DCT: variants seen among roughly 807,000 people sequenced by gnomAD.
DCT encodes the protein dopachrome tautomerase.
Under a neutral mutation model 53.0 loss-of-function variants are expected in DCT, and 47 were observed. The observed-to-expected ratio is 0.89, with a 90% CI of 0.70 to 1.13. DCT has a LOEUF of 1.13. Among genes scored for constraint, DCT ranks in the 50% most tolerant of loss-of-function variants. The pLI is 0.00. For synonymous variants in DCT, 244 were observed against 237.0 expected (o/e 1.03, Z -0.27); for missense variants, 669 against 637.4 (o/e 1.05, Z -0.53).
chr13:94,527,376 T>G, the DCT span, among the ~76,000 whole-genome samples: 2 of 152,078 alleles, frequency 1.3e-5, no homozygotes, highest in Non-Finnish European at 2.9e-5. Context: ...CATCTCCCAG[T>G]AGGGGCCGAC....
rs549861593 is a variant in DCT, at chr13:94,470,513, T to C, written c.296-1468A>G. On this transcript the variant is annotated intron_variant, in intron 1 of 7. Transcript: ENST00000377028. ...CTTAGGTTAGAGGGTAAAATTTAAATATCATTAGAGCACAAGATTGAAACG... is the reference window on the plus strand; with the variant it reads ...CTTAGGTTAGAGGGTAAAATTTAAACATCATTAGAGCACAAGATTGAAACG... 5.3e-5 allele frequency among the ~76,000 whole-genome samples: 8 copies of C among 152,282 alleles called. No homozygotes were observed. In the South Asian group the frequency reaches 1.7e-3, roughly 32 times the overall value.
At chr13:94,513,987 CAAAAAAAAAAAAAA>C in the DCT span, among the ~76,000 whole-genome samples, 1 of 53,202 alleles carries the variant, frequency 1.9e-5, no homozygotes, top group Non-Finnish European at 3.4e-5. Flanking sequence ...AACTCTGTCT[CAAAAAAAAAAAAAA>C]AAAAAAAAAA....
the DCT span, among the ~76,000 whole-genome samples, chr13:94,490,519 A>AC: frequency 2.0e-4 from 29 of 144,684 alleles, no homozygotes; most frequent in Non-Finnish European, 4.0e-4. Flanking sequence ...AAAAAAAAAA[A>AC]AAAAAAAAAA....
intron 6 of DCT, among the ~76,000 whole-genome samples, chr13:94,457,160 CTAT>C (rs1883463466): frequency 6.6e-6 from 1 of 152,146 alleles, no homozygotes; most frequent in African/African-American, 2.4e-5. Flanking sequence ...AAACAAACTT[CTAT>C]AAACTGATGG....
the DCT span, among the ~76,000 whole-genome samples, chr13:94,500,950 TCA>T: frequency 6.6e-6 from 1 of 152,210 alleles, no homozygotes; most frequent in African/African-American, 2.4e-5. Context: ...ACTGCCATCC[TCA>T]CACAGTGATT....
Position 94,479,267 on chromosome 13 carries a change from T to C in DCT, c.-12A>G. On this transcript the variant is annotated 5_prime_UTR_variant, in exon 1 of 8. Coordinates refer to ENST00000377028, the MANE Select transcript of DCT (RefSeq NM_001922.5). ...CAAAGGGGGCTCATGGCTTTATAAT[T>C]GGGAGAGCTCTCTCTCTCTCTTACT... The C allele has an allele frequency of 6.4e-7, 1 of 1,555,854 alleles. No individual in the cohort carries two copies.
the DCT span, among the ~76,000 whole-genome samples, chr13:94,502,821 C>A: frequency 6.6e-6 from 1 of 152,164 alleles, no homozygotes; most frequent in Non-Finnish European, 1.5e-5. Context: ...TATCTCCAGA[C>A]CACATCTGCT....
the DCT span, among the ~76,000 whole-genome samples, chr13:94,517,950 G>T: frequency 6.6e-6 from 1 of 152,018 alleles, no homozygotes; most frequent in African/African-American, 2.4e-5. Flanking sequence ...CCCCATTGAA[G>T]ATGATTTCAG....
At chr13:94,455,972 T>G (rs935193807) in intron 6 of DCT, among the ~76,000 whole-genome samples, 1 of 152,230 alleles carries the variant, frequency 6.6e-6, no homozygotes, top group Non-Finnish European at 1.5e-5. Flanking sequence ...TATAAATAGA[T>G]GTACAGATAC....
the DCT span, among the ~76,000 whole-genome samples, chr13:94,540,460 C>CA: frequency 3.3e-5 from 5 of 151,998 alleles, no homozygotes; most frequent in Non-Finnish European, 7.4e-5. Flanking sequence ...AACTCAATAG[C>CA]AAAAAAGCAC....
the DCT span, among the ~76,000 whole-genome samples, chr13:94,532,907 C>T: frequency 3.8e-4 from 58 of 152,158 alleles, no homozygotes; most frequent in South Asian, 0.011. Flanking sequence ...TGTTATAACA[C>T]GAAAGAATCC....
At chr13:94,487,635 A>C in the DCT span, among the ~76,000 whole-genome samples, 1 of 152,074 alleles carries the variant, frequency 6.6e-6, no homozygotes, top group Non-Finnish European at 1.5e-5. Flanking sequence ...TACAGAGAAA[A>C]CATATGCATC....
chr13:94,501,952 G>A, the DCT span, among the ~76,000 whole-genome samples: 1 of 151,904 alleles, frequency 6.6e-6, no homozygotes, highest in Non-Finnish European at 1.5e-5. Context: ...CCCTTGCTGG[G>A]TCTCCCACTG....
chr13:94,465,981 T>C (rs1378147492), intron 3 of DCT, among the ~76,000 whole-genome samples, 182 bp from the exon 4 acceptor site: 66 of 12,052 alleles, frequency 5.5e-3, no homozygotes, highest in Middle Eastern at 0.05. Flanking sequence ...TATATATATA[T>C]ATATATATAT....
intron 2 of DCT, chr13:94,467,621 C>G (rs560340615): frequency 6.6e-6 from 1 of 152,172 alleles, no homozygotes; most frequent in Non-Finnish European, 1.5e-5. Context: ...TTTTAAAAGA[C>G]TCACACTGAG....
chr13:94,448,999 G>A, intron 6 of DCT, among the ~76,000 whole-genome samples: 1 of 151,874 alleles, frequency 6.6e-6, no homozygotes, highest in East Asian at 1.9e-4. Context: ...ATTAGAAACT[G>A]AGTACTTCAG....
chr13:94,484,276 G>A (rs1459276603), upstream of DCT, among the ~76,000 whole-genome samples: 1 of 152,202 alleles, frequency 6.6e-6, no homozygotes, highest in Non-Finnish European at 1.5e-5. Context: ...AAGCAAGTCC[G>A]CGGGCAAGAC....
intron 7 of DCT, among the ~76,000 whole-genome samples, chr13:94,441,456 T>A (rs1882308134): frequency 6.6e-6 from 1 of 152,194 alleles, no homozygotes; most frequent in East Asian, 1.9e-4. Flanking sequence ...ATCGCCACCA[T>A]CCATTCTCAG....
chr13:94,518,219 GC>G, the DCT span, among the ~76,000 whole-genome samples: 6 of 152,012 alleles, frequency 3.9e-5, no homozygotes, highest in Non-Finnish European at 5.9e-5. Context: ...TCAGCAACTG[GC>G]AACTAAGTGT....
Sources: gnomAD v4.1 joint callset for allele counts (sites outside exome capture counted in the v4.1 genomes callset) on GRCh38, gnomAD v4.1.1 for gene constraint, MANE v1.5 for transcripts, NCBI Gene and HGNC (gene_info 2026-07-23, HGNC 2026-07-21) for gene names.